The following USP3 variants were observed in gnomAD, a reference collection of about 807,000 sequenced individuals.
The protein encoded by USP3 is ubiquitin carboxyl-terminal hydrolase 3.
Under a neutral mutation model 72.3 loss-of-function variants are expected in USP3, and 20 were observed. The ratio of observed to expected loss-of-function variants is 0.28; its 90% confidence interval spans 0.19 to 0.40. USP3 has a LOEUF of 0.40. USP3 is among the 10% of genes least tolerant of loss of function. USP3 has a pLI of 1.00. For synonymous variants in USP3, 222 were observed against 225.3 expected, an observed-to-expected ratio of 0.99 and a Z score of 0.13; for missense variants, 479 against 633.9, an observed-to-expected ratio of 0.76 and a Z score of 2.62.
rs999285555 is a variant in USP3, at chr15:63,528,283, A to C, written c.92-4364A>C. On this transcript the variant is annotated intron_variant, in intron 1 of 14. Transcript: ENST00000380324. This position sits in a 1 kb window ranked among gnomAD's most constrained non-coding sequence, Gnocchi z 4.3. ...TCTGAGTAAAAGATGAGTTTCACTT[A>C]TGAGACTCCCAGTCACACCGCTATG... 1.2e-4 allele frequency: 18 copies of C among 152,206 alleles called. No individual in the cohort carries two copies. The highest frequency in any genetic ancestry group is 4.3e-4 in the African/African-American group (18 of 41,452). 9.4% of individuals were successfully genotyped at this position (152,206 alleles called of 1,614,324 possible).
At chr15:63,581,650 C>T (rs1037749131) in intron 11 of USP3, among the ~76,000 whole-genome samples, 4 of 150,436 alleles carry the variant, frequency 2.7e-5, no homozygotes, top group Non-Finnish European at 5.9e-5. Context: ...CTGCCTCGGC[C>T]TCCCAAAGTG....
At position 63,591,026 on chromosome 15, in the gene USP3, T is replaced by G. The variant is rs2067189181; in HGVS notation, c.*200T>G. ...TCTACCAGAAAACCTCAGCAGATGTTTTGATTTGCTGCTTTAGTTGTAATA... is the reference window on the plus strand; with the variant it reads ...TCTACCAGAAAACCTCAGCAGATGTGTTGATTTGCTGCTTTAGTTGTAATA... On this transcript the variant is annotated 3_prime_UTR_variant, in exon 15 of 15. Transcript: ENST00000380324. The G allele has an allele frequency of 5.6e-6, 3 of 539,708 alleles. No homozygotes were observed. The African/African-American group carries it at 5.9e-5, about 11-fold the overall frequency. The allele number at this position is 539,708 out of a possible 1,614,324, so 33.4% of individuals were successfully genotyped here.
At chr15:63,586,393 C>T (rs1018998050) in intron 11 of USP3, among the ~76,000 whole-genome samples, 7 of 152,134 alleles carry the variant, frequency 4.6e-5, no homozygotes, top group African/African-American at 1.7e-4. Context: ...GTGGAAAATT[C>T]TGTGTTTCCT....
intron 1 of USP3, among the ~76,000 whole-genome samples, chr15:63,508,463 A>C (rs2065741769): frequency 6.6e-6 from 1 of 152,182 alleles, no homozygotes; most frequent in African/African-American, 2.4e-5. Context: ...AGATACATCC[A>C]TGTGGTTTAA....
intron 11 of USP3, among the ~76,000 whole-genome samples, chr15:63,587,480 C>G (rs1013598275): frequency 6.6e-6 from 1 of 152,230 alleles, no homozygotes; most frequent in Non-Finnish European, 1.5e-5. Flanking sequence ...AAATGACATA[C>G]AGCAGGTCCT....
chr15:63,511,270 A>AAAAAAAAAAAAAAAAAG (rs1219796390), intron 1 of USP3, among the ~76,000 whole-genome samples: 1 of 148,088 alleles, frequency 6.8e-6, no homozygotes, highest in African/African-American at 2.5e-5. Context: ...TTTTCTTAAA[A>AAAAAAAAAAAAAAAAAG]AAAAAAAAAA....
intron 4 of USP3, 135 bp from the exon 5 acceptor site, chr15:63,556,532 C>T (rs1595744781): frequency 3.6e-6 from 2 of 555,178 alleles, no homozygotes; most frequent in African/African-American, 1.9e-5. Context: ...ACGTGTGGGC[C>T]CCAGTAGGCC....
intron 1 of USP3, among the ~76,000 whole-genome samples, chr15:63,516,670 C>G (rs888582953): frequency 1.3e-5 from 2 of 152,042 alleles, no homozygotes; most frequent in African/African-American, 4.8e-5. Context: ...AAACCTGATG[C>G]CTTCCTGATT....
rs1464904991 is a variant in USP3 at position 63,574,610 on chromosome 15, A to C, written c.1096+207A>C. ...CATAAGATATTGTGTGAAGCATAAA[A>C]TATTTCTCACCTTTTTCTTCTTTGA... On this transcript the variant is annotated intron_variant, in intron 11 of 14. Coordinates refer to ENST00000380324, the MANE Select transcript of USP3 (RefSeq NM_006537.4). This position sits in a 1 kb window ranked among gnomAD's most constrained non-coding sequence, Gnocchi z 4.6. Among the ~76,000 whole-genome samples the C allele has an allele frequency of 6.6e-6, 1 of 152,016 alleles. No individual in the cohort carries two copies. Among genetic ancestry groups the C allele is most frequent in the Non-Finnish European group, 1.5e-5 (1 of 68,038 alleles).
intron 9 of USP3, among the ~76,000 whole-genome samples, chr15:63,573,599 ACTAT>A (rs2066814728): frequency 6.6e-6 from 1 of 152,196 alleles, no homozygotes; most frequent in Non-Finnish European, 1.5e-5. Context: ...AAACTCTAAA[ACTAT>A]CTCAGATCAA....
chr15:63,528,893 G>A lies in USP3; in HGVS notation c.92-3754G>A. 2 of 604,330 alleles carry A rather than the reference G, an allele frequency of 3.3e-6. No homozygotes were observed. Among genetic ancestry groups the A allele is most frequent in the Non-Finnish European group, 4.9e-6 (2 of 411,396 alleles). The allele number at this position is 604,330 out of a possible 1,614,324, so 37.4% of individuals were successfully genotyped here. ...TTCAGTCTATTTTATATTTGTCCTG[G>A]GTACATTAAAGGTTCTTAATTTGGA... On this transcript the variant is annotated intron_variant, in intron 1 of 14. Coordinates refer to ENST00000380324, the MANE Select transcript of USP3 (RefSeq NM_006537.4). The surrounding 1 kb of genome is among the most constrained non-coding windows in gnomAD (Gnocchi z 4.3).
Position 63,544,793 on chromosome 15 carries a change from G to A in USP3, c.284+7637G>A, listed in dbSNP as rs2066296418. The A allele has an allele frequency of 2.9e-6, 2 of 696,850 alleles. No individual in the cohort carries two copies. The highest frequency in any genetic ancestry group is 5.2e-6 in the Non-Finnish European group (2 of 382,978). 43.2% of individuals were successfully genotyped at this position (696,850 alleles called of 1,614,324 possible). ...TAAAACTAGAGCAGGTAACACTGAA[G>A]TGAAAGGGAAGATTGGGAGGGAAGG... On this transcript the variant is annotated intron_variant, in intron 3 of 14. Coordinates refer to ENST00000380324, the MANE Select transcript of USP3 (RefSeq NM_006537.4). The surrounding 1 kb of genome is among the most constrained non-coding windows in gnomAD (Gnocchi z 4.2).
chr15:63,592,333 GT>G lies in USP3; in HGVS notation c.*1519del, dbSNP rs11311204. On this transcript the variant is annotated 3_prime_UTR_variant, in exon 15 of 15. Transcript: ENST00000380324. ...AGTGTTCTAAGACAGTCCTGTGGTG[GT>G]TTTTTTTTTTTCTTTTTTTTGGTTG... is the stretch of plus-strand genomic sequence containing the variant. The G allele has an allele frequency of 0.74, 106,172 of 143,902 alleles. 40,460 individuals carry two copies. Among genetic ancestry groups the G allele is most frequent in the Non-Finnish European group, 0.84 (55,457 of 66,018 alleles). The allele number at this position is 143,902 out of a possible 1,614,324, so 8.9% of individuals were successfully genotyped here.
At chr15:63,581,399 G>GTT (rs2066959296) in intron 11 of USP3, among the ~76,000 whole-genome samples, 3 of 126,910 alleles carry the variant, frequency 2.4e-5, no homozygotes, top group African/African-American at 3.0e-5. Context: ...GTGTGTGTGT[G>GTT]TTTAGATGGA....
At chr15:63,519,076 T>A (rs2065886615) in intron 1 of USP3, among the ~76,000 whole-genome samples, 1 of 152,188 alleles carries the variant, frequency 6.6e-6, no homozygotes, top group Non-Finnish European at 1.5e-5. Flanking sequence ...GGTCTTTCTT[T>A]TCAATCAGCA....
intron 11 of USP3, among the ~76,000 whole-genome samples, chr15:63,584,022 G>C (rs957450731): frequency 2.0e-5 from 3 of 151,246 alleles, no homozygotes; most frequent in Non-Finnish European, 2.9e-5. Context: ...TTAACTTTCG[G>C]AAGTACTGCC....
intron 8 of USP3, among the ~76,000 whole-genome samples, chr15:63,565,180 A>G (rs2066668087): frequency 6.6e-6 from 1 of 152,172 alleles, no homozygotes; most frequent in Non-Finnish European, 1.5e-5. Flanking sequence ...AGAAGTAGAA[A>G]CATCTTTCAT....
chr15:63,512,736 C>G (rs2065807396), intron 1 of USP3, among the ~76,000 whole-genome samples: 1 of 152,172 alleles, frequency 6.6e-6, no homozygotes, highest in Admixed American at 6.5e-5. Context: ...AGCCACTGCA[C>G]CAGGCCTCCC....
chr15:63,513,217 T>C (rs920972294), intron 1 of USP3, among the ~76,000 whole-genome samples: 2 of 152,196 alleles, frequency 1.3e-5, no homozygotes, highest in African/African-American at 4.8e-5. Flanking sequence ...CACTTAATTT[T>C]ATGGACTGTT....
Sources: gnomAD v4.1 joint callset for allele counts (sites outside exome capture counted in the v4.1 genomes callset) on GRCh38, gnomAD v4.1.1 for gene constraint, Gnocchi (gnomAD v3.1) non-coding constraint, MANE v1.5 for transcripts, NCBI Gene and HGNC (gene_info 2026-07-23, HGNC 2026-07-21) for gene names.